FSTL5: variants seen among roughly 807,000 people sequenced by gnomAD.
FSTL5 encodes follistatin-related protein 5.
FSTL5 carries 62 observed loss-of-function variants against 89.1 expected under a neutral mutation model. The observed-to-expected ratio is 0.70, with a 90% CI of 0.57 to 0.86. The LOEUF (loss-of-function observed/expected upper bound fraction) is 0.86. Among genes scored for constraint, FSTL5 ranks in the 40% least tolerant of loss-of-function variants. The probability of loss-of-function intolerance (pLI) is 0.00; values close to 1 mark genes in which losing one functional copy is unlikely to be tolerated. For missense variants in FSTL5, 1,057 were observed against 1,001.6 expected, an observed-to-expected ratio of 1.06 and a Z score of -0.75; for synonymous variants, 383 against 346.2, an observed-to-expected ratio of 1.11 and a Z score of -1.18.
rs1730627623 is a variant in FSTL5, at chr4:161,510,837, A to AT, written c.1313-414dup. On this transcript the variant is annotated intron_variant, in intron 10 of 15. Coordinates refer to ENST00000306100, the MANE Select transcript of FSTL5 (RefSeq NM_020116.5). ...TCTTAAATTTTGCAATAATCACAAT[A>AT]TATATTTTCACATAATATGAAATAT... Among the ~76,000 whole-genome samples, 4 of 151,826 alleles carry AT rather than the reference A, an allele frequency of 2.6e-5. No individual in the cohort carries two copies. In the South Asian group the frequency reaches 8.3e-4, roughly 32 times the overall value.
intron 7 of FSTL5, among the ~76,000 whole-genome samples, chr4:161,601,733 C>T (rs1038063085): frequency 6.6e-6 from 1 of 152,032 alleles, no homozygotes; most frequent in Non-Finnish European, 1.5e-5. Context: ...AATACAGCTC[C>T]CACCACAAGC....
intron 1 of FSTL5, among the ~76,000 whole-genome samples, chr4:162,150,537 T>C (rs1733186484): frequency 6.6e-6 from 1 of 152,152 alleles, no homozygotes; most frequent in Non-Finnish European, 1.5e-5. Flanking sequence ...TAAGTTAATG[T>C]TCAAAGACAT....
intron 4 of FSTL5, among the ~76,000 whole-genome samples, chr4:161,782,333 T>C (rs1158870072): frequency 6.6e-6 from 1 of 152,210 alleles, no homozygotes; most frequent in Non-Finnish European, 1.5e-5. Context: ...TCTTCCAAAG[T>C]GGCCGTACCA....
chr4:162,005,118 G>A (rs568817497), intron 3 of FSTL5, among the ~76,000 whole-genome samples: 67 of 152,080 alleles, frequency 4.4e-4, no homozygotes, highest in African/African-American at 1.5e-3. Flanking sequence ...TATTTCTCTC[G>A]CTCCATTGTG....
intron 11 of FSTL5, among the ~76,000 whole-genome samples, chr4:161,503,614 T>C (rs939395004): frequency 6.6e-6 from 1 of 151,994 alleles, no homozygotes; most frequent in Non-Finnish European, 1.5e-5. Context: ...AAGTTAATAA[T>C]GAAGATTTCC....
rs185985443 is a variant in FSTL5, at chr4:161,943,247, C to T, written c.161-22595G>A. On this transcript the variant is annotated intron_variant, in intron 3 of 15. Transcript: ENST00000306100. ...ACTAAATATTAAGACTGCAATACTA[C>T]CCCAAATTTTCATTATAGCTTTCTA... Among the ~76,000 whole-genome samples, 388 of 151,912 alleles carry T rather than the reference C, an allele frequency of 2.6e-3. 2 individuals are homozygous for T. Among genetic ancestry groups the T allele is most frequent in the Non-Finnish European group, 2.9e-3 (196 of 67,964 alleles).
At chr4:162,117,757 C>T (rs1731698477) in intron 1 of FSTL5, among the ~76,000 whole-genome samples, 2 of 152,082 alleles carry the variant, frequency 1.3e-5, no homozygotes, top group South Asian at 4.1e-4. Context: ...ACAAAGTTAA[C>T]TCAGTAAAGA....
chr4:162,069,059 G>A (rs1729480634), intron 2 of FSTL5, among the ~76,000 whole-genome samples: 1 of 152,048 alleles, frequency 6.6e-6, no homozygotes, highest in South Asian at 2.1e-4. Flanking sequence ...TGCTGGTGAT[G>A]CTGTGGAAAA....
intron 4 of FSTL5, among the ~76,000 whole-genome samples, chr4:161,832,339 A>G (rs775420964): frequency 2.6e-5 from 4 of 152,046 alleles, no homozygotes; most frequent in African/African-American, 4.8e-5. Context: ...GGAGTTCATT[A>G]TAAGTAAGAA....
chr4:161,455,388 T>C (rs901990742), intron 14 of FSTL5, among the ~76,000 whole-genome samples: 4 of 152,040 alleles, frequency 2.6e-5, no homozygotes, highest in Non-Finnish European at 5.9e-5. Flanking sequence ...ATAAAATAAA[T>C]AGGCATGTAA....
At chr4:161,447,345 C>T (rs953764227) in intron 15 of FSTL5, among the ~76,000 whole-genome samples, 24 of 151,958 alleles carry the variant, frequency 1.6e-4, no homozygotes, top group African/African-American at 5.8e-4. Flanking sequence ...TAAATCAAAT[C>T]GCATTGACCC....
chr4:161,784,318 G>T (rs1741801254), intron 4 of FSTL5, among the ~76,000 whole-genome samples: 1 of 151,844 alleles, frequency 6.6e-6, no homozygotes, highest in Non-Finnish European at 1.5e-5. Flanking sequence ...TGTTAATTTT[G>T]ATTTGTAATT....
intron 10 of FSTL5, among the ~76,000 whole-genome samples, chr4:161,534,572 G>T (rs549142268): frequency 6.6e-5 from 10 of 152,110 alleles, no homozygotes; most frequent in Admixed American, 3.3e-4. Context: ...AAAGAAATCA[G>T]AGATGACACA....
chr4:161,725,535 A>G (rs1739366557), intron 6 of FSTL5, among the ~76,000 whole-genome samples: 1 of 151,604 alleles, frequency 6.6e-6, no homozygotes, highest in African/African-American at 2.4e-5. Context: ...TAAAAACTAT[A>G]TATAATTAAC....
intron 12 of FSTL5, among the ~76,000 whole-genome samples, chr4:161,483,701 T>C (rs1471315127): frequency 6.6e-6 from 1 of 152,088 alleles, no homozygotes; most frequent in Non-Finnish European, 1.5e-5. Flanking sequence ...GGAAGAAAAA[T>C]AGTAGAGGAA....
chr4:161,662,082 T>C (rs987454338), intron 6 of FSTL5, among the ~76,000 whole-genome samples: 1 of 152,126 alleles, frequency 6.6e-6, no homozygotes, highest in Non-Finnish European at 1.5e-5. Flanking sequence ...TTTCCAGGCA[T>C]AAGGGATAGG....
At chr4:161,929,759 T>C (rs1217380913) in intron 3 of FSTL5, among the ~76,000 whole-genome samples, 1 of 149,930 alleles carries the variant, frequency 6.7e-6, no homozygotes, top group African/African-American at 2.4e-5. Context: ...AAAAGCCCAA[T>C]ACACAAAATA....
At position 161,633,738 on chromosome 4, in the gene FSTL5, T is replaced by C. The variant is rs571847905; in HGVS notation, c.894+22590A>G. Among the ~76,000 whole-genome samples the C allele has an allele frequency of 2.0e-5, 3 of 152,258 alleles. No homozygotes were observed. In the South Asian group the frequency reaches 6.2e-4, roughly 32 times the overall value. ...AACTAGATGTATGGAGCTGAAAACA[T>C]TGTTGAAATGAAATTTTAAAACAGT... On this transcript the variant is annotated intron_variant, in intron 7 of 15. Transcript: ENST00000306100.
intron 3 of FSTL5, among the ~76,000 whole-genome samples, chr4:161,967,344 C>T (rs1032059498): frequency 6.6e-6 from 1 of 151,008 alleles, no homozygotes; most frequent in African/African-American, 2.4e-5. Flanking sequence ...TCTTCCTAAA[C>T]CTTCAAAAGA....
Sources: gnomAD v4.1 joint callset for allele counts (sites outside exome capture counted in the v4.1 genomes callset) on GRCh38, gnomAD v4.1.1 for gene constraint, MANE v1.5 for transcripts, NCBI Gene and HGNC (gene_info 2026-07-23, HGNC 2026-07-21) for gene names.